FBXL17: variants seen among roughly 807,000 people sequenced by gnomAD.
FBXL17 encodes the protein F-box and leucine rich repeat protein 17, also known as F-box/LRR-repeat protein 17.
Under a neutral mutation model 66.2 loss-of-function variants are expected in FBXL17, and 22 were observed. That is an observed-to-expected ratio of 0.33 (90% confidence interval 0.24 to 0.47). FBXL17 has a LOEUF of 0.47. Among genes scored for constraint, FBXL17 ranks in the 20% least tolerant of loss-of-function variants. The pLI is 1.00. For synonymous variants in FBXL17, 474 were observed against 400.5 expected, an observed-to-expected ratio of 1.18 and a Z score of -2.19; for missense variants, 878 against 948.2, an observed-to-expected ratio of 0.93 and a Z score of 0.97.
At chr5:108,131,211 GC>G (rs1750919740) in intron 6 of FBXL17, among the ~76,000 whole-genome samples, 1 of 152,078 alleles carries the variant, frequency 6.6e-6, no homozygotes, top group African/African-American at 2.4e-5. Context: ...GGCTCCTTGA[GC>G]ATCTAATGAA....
intron 4 of FBXL17, among the ~76,000 whole-genome samples, chr5:108,332,355 G>A (rs1220436372): frequency 2.6e-5 from 4 of 151,742 alleles, no homozygotes; most frequent in Admixed American, 6.6e-5. Flanking sequence ...GCCAAGGTCC[G>A]TTTTGAAAAA....
chr5:108,097,908 T>A (rs2149937077), intron 6 of FBXL17, among the ~76,000 whole-genome samples: 1 of 152,332 alleles, frequency 6.6e-6, no homozygotes, highest in African/African-American at 2.4e-5. Flanking sequence ...AGGTTTCTTA[T>A]TTATCTATCC....
At chr5:108,179,461 CAG>C (rs1211861211) in intron 6 of FBXL17, among the ~76,000 whole-genome samples, 1 of 151,968 alleles carries the variant, frequency 6.6e-6, no homozygotes, top group Non-Finnish European at 1.5e-5. Flanking sequence ...AAAAAAGAGA[CAG>C]AGAGAATAGT....
intron 5 of FBXL17, among the ~76,000 whole-genome samples, chr5:108,220,443 G>C (rs923619689): frequency 2.6e-5 from 4 of 152,036 alleles, no homozygotes; most frequent in African/African-American, 9.7e-5. Flanking sequence ...AGGGATCATT[G>C]TCCTTGGTTG....
intron 5 of FBXL17, among the ~76,000 whole-genome samples, chr5:108,187,334 C>T (rs1261459879): frequency 6.6e-6 from 1 of 152,030 alleles, no homozygotes; most frequent in African/African-American, 2.4e-5. Context: ...AACACAAATA[C>T]CCCTCCCACC....
chr5:107,939,100 TC>T (rs2112586415), intron 7 of FBXL17, among the ~76,000 whole-genome samples: 1 of 152,184 alleles, frequency 6.6e-6, no homozygotes, highest in South Asian at 2.1e-4. Context: ...GCTGAATGAG[TC>T]ATGAATGATC....
intron 7 of FBXL17, among the ~76,000 whole-genome samples, chr5:107,929,119 G>A (rs1750640536): frequency 6.6e-6 from 1 of 152,150 alleles, no homozygotes. Context: ...CATATTGGTG[G>A]TGAAAAGAAA....
intron 7 of FBXL17, among the ~76,000 whole-genome samples, chr5:108,002,434 T>A (rs915083021): frequency 6.6e-6 from 1 of 152,128 alleles, no homozygotes; most frequent in Non-Finnish European, 1.5e-5. Flanking sequence ...AAATGCTGGA[T>A]AAAATACAAC....
At chr5:107,908,251 A>C (rs1749828480) in intron 7 of FBXL17, among the ~76,000 whole-genome samples, 2 of 152,174 alleles carry the variant, frequency 1.3e-5, no homozygotes, top group Non-Finnish European at 1.5e-5. Context: ...CTAAGAACTA[A>C]TTCTGATGTA....
intron 7 of FBXL17, among the ~76,000 whole-genome samples, chr5:107,976,365 T>C (rs553943415): frequency 6.6e-4 from 100 of 152,312 alleles, no homozygotes; most frequent in African/African-American, 2.3e-3. Flanking sequence ...TTGAAGCTAA[T>C]AGATAATAAT....
intron 4 of FBXL17, among the ~76,000 whole-genome samples, chr5:108,342,837 T>C (rs920425049): frequency 2.0e-5 from 3 of 152,204 alleles, no homozygotes; most frequent in African/African-American, 7.2e-5. Context: ...ACATTTTCTA[T>C]TACCAGCAAA....
At chr5:108,371,308 T>C (rs1027410126) in intron 1 of FBXL17, among the ~76,000 whole-genome samples, 9 of 152,176 alleles carry the variant, frequency 5.9e-5, no homozygotes, top group African/African-American at 1.2e-4. Context: ...CACTACTGTT[T>C]CTTAATTTTA....
At chr5:107,985,181 G>T (rs13157529) in intron 7 of FBXL17, among the ~76,000 whole-genome samples, 17,207 of 152,224 alleles carry the variant, frequency 0.11, 1,050 homozygotes, top group East Asian at 0.16. Context: ...TGTGAAGCAG[G>T]TTTACCACAA....
chr5:107,939,484 T>A (rs931528739), intron 7 of FBXL17, among the ~76,000 whole-genome samples: 1 of 152,092 alleles, frequency 6.6e-6, no homozygotes, highest in Non-Finnish European at 1.5e-5. Flanking sequence ...AGTATGCAGA[T>A]CTGCTTTCAA....
chr5:107,883,543 A>G (rs908323849), intron 7 of FBXL17, among the ~76,000 whole-genome samples: 13 of 152,240 alleles, frequency 8.5e-5, no homozygotes, highest in Non-Finnish European at 1.5e-5. Flanking sequence ...CTTACCCCCC[A>G]TCTCTTCCCT....
chr5:107,984,444 T>C (rs1233444346), intron 7 of FBXL17, among the ~76,000 whole-genome samples: 3 of 152,196 alleles, frequency 2.0e-5, no homozygotes, highest in Admixed American at 6.5e-5. Flanking sequence ...GATGAGGTCC[T>C]CAAGGTTACT....
rs1396922154 is a variant in FBXL17, at chr5:107,879,400, G to T, written c.1965+1637C>A. The T allele has an allele frequency of 6.1e-6, 6 of 985,290 alleles. No homozygotes were observed. In the East Asian group the frequency reaches 6.8e-4, roughly 112 times the overall value. 61.0% of individuals were successfully genotyped at this position (985,290 alleles called of 1,614,324 possible). A position where few individuals can be genotyped will look rare whatever the true frequency, so the allele number is the denominator to read the frequency against. ...AAAGAAGTCATTTTAAAGTGGCAGG[G>T]TTAGCAGCGGCATTAGGTTGGTTAG... On this transcript the variant is annotated intron_variant, in intron 8 of 8. Transcript: ENST00000542267.
chr5:107,981,467 C>T (rs545818027), intron 7 of FBXL17, among the ~76,000 whole-genome samples: 1 of 152,302 alleles, frequency 6.6e-6, no homozygotes, highest in Non-Finnish European at 1.5e-5. Flanking sequence ...GGAGTAGCCC[C>T]TTATTGGAGC....
intron 7 of FBXL17, among the ~76,000 whole-genome samples, chr5:107,930,286 T>A (rs1750686220): frequency 6.6e-6 from 1 of 152,148 alleles, no homozygotes; most frequent in African/African-American, 2.4e-5. Flanking sequence ...ATCATTTCCT[T>A]CGACTCACCA....
Sources: gnomAD v4.1 joint callset for allele counts (sites outside exome capture counted in the v4.1 genomes callset) on GRCh38, gnomAD v4.1.1 for gene constraint, MANE v1.5 for transcripts, NCBI Gene and HGNC (gene_info 2026-07-23, HGNC 2026-07-21) for gene names.